Variants in GALNT13 observed in about 807,000 individuals in gnomAD.
GALNT13 encodes the protein polypeptide N-acetylgalactosaminyltransferase 13.
A neutral mutation model predicts 64.2 loss-of-function variants in GALNT13; 28 were observed. The ratio of observed to expected loss-of-function variants is 0.44; its 90% CI spans 0.32 to 0.60. GALNT13 has a LOEUF of 0.60. Ranked by LOEUF, GALNT13 falls within the 20% of genes least tolerant of loss-of-function variation. The pLI, the probability that GALNT13 is intolerant of heterozygous loss-of-function variation, is 0.05. For synonymous variants in GALNT13, 214 were observed against 224.6 expected (o/e 0.95, Z 0.42); for missense variants, 577 against 669.8 (o/e 0.86, Z 1.53).
chr2:153,403,690 T>A, the GALNT13 span, among the ~76,000 whole-genome samples: 5 of 152,310 alleles, frequency 3.3e-5, no homozygotes, highest in East Asian at 9.7e-4. Flanking sequence ...GACCTGATTT[T>A]CCAGGTGCTG....
intron 3 of GALNT13, among the ~76,000 whole-genome samples, chr2:154,113,620 T>C (rs1199127234): frequency 6.6e-6 from 1 of 152,194 alleles, no homozygotes; most frequent in Admixed American, 6.5e-5. Context: ...TTATTTCCCA[T>C]CCTCTGGCAC....
At chr2:154,152,881 C>T (rs1684138212) in intron 4 of GALNT13, among the ~76,000 whole-genome samples, 1 of 152,208 alleles carries the variant, frequency 6.6e-6, no homozygotes, top group Admixed American at 6.5e-5. Context: ...TTTGAATTTC[C>T]TCCTGTAGGT....
At chr2:153,878,945 A>G (rs534648781) in intron 1 of GALNT13, among the ~76,000 whole-genome samples, 23 of 152,266 alleles carry the variant, frequency 1.5e-4, no homozygotes, top group African/African-American at 5.1e-4. Context: ...GCAGGTTGTA[A>G]ATCCAAATTA....
chr2:153,719,750 G>A, the GALNT13 span, among the ~76,000 whole-genome samples: 4 of 150,834 alleles, frequency 2.7e-5, no homozygotes, highest in African/African-American at 9.7e-5. Context: ...GCGCTTTTCA[G>A]ACCGGCTTAA....
At chr2:153,551,081 G>A in the GALNT13 span, among the ~76,000 whole-genome samples, 2 of 152,270 alleles carry the variant, frequency 1.3e-5, no homozygotes, top group East Asian at 3.9e-4. Context: ...AACACAGTGG[G>A]GGTCTCTGGA....
chr2:153,131,786 A>G, the GALNT13 span, among the ~76,000 whole-genome samples: 1 of 151,962 alleles, frequency 6.6e-6, no homozygotes, highest in Non-Finnish European at 1.5e-5. Flanking sequence ...AGTATATGTA[A>G]GTTTTCAAGC....
chr2:153,512,997 A>G, the GALNT13 span, among the ~76,000 whole-genome samples: 2 of 152,200 alleles, frequency 1.3e-5, no homozygotes, highest in African/African-American at 4.8e-5. Flanking sequence ...AAAAATTCTA[A>G]AATATTCTGA....
the GALNT13 span, among the ~76,000 whole-genome samples, chr2:153,192,591 G>T: frequency 6.6e-6 from 1 of 152,042 alleles, no homozygotes; most frequent in Non-Finnish European, 1.5e-5. Flanking sequence ...GCTGAGAGTG[G>T]TGTGTTGAAG....
At chr2:153,111,095 T>A in the GALNT13 span, among the ~76,000 whole-genome samples, 1 of 152,088 alleles carries the variant, frequency 6.6e-6, no homozygotes. Context: ...GCACAAACTA[T>A]TTACTTGTCC....
At chr2:153,389,786 C>T in the GALNT13 span, among the ~76,000 whole-genome samples, 1 of 152,112 alleles carries the variant, frequency 6.6e-6, no homozygotes, top group South Asian at 2.1e-4. Flanking sequence ...AATACCTGGG[C>T]TTGTGTGATC....
chr2:153,429,625 T>C, the GALNT13 span, among the ~76,000 whole-genome samples: 1 of 152,124 alleles, frequency 6.6e-6, no homozygotes, highest in Non-Finnish European at 1.5e-5. Flanking sequence ...GCAGCATTAA[T>C]TAAAAATTCC....
At chr2:154,198,571 A>G (rs992423033) in intron 4 of GALNT13, among the ~76,000 whole-genome samples, 2 of 151,980 alleles carry the variant, frequency 1.3e-5, no homozygotes, top group African/African-American at 4.8e-5. Context: ...GGCACTGAAA[A>G]TGATTGTAAC....
At chr2:154,009,169 C>CTTT (rs146389666) in intron 3 of GALNT13, among the ~76,000 whole-genome samples, 5 of 143,696 alleles carry the variant, frequency 3.5e-5, no homozygotes, top group African/African-American at 7.7e-5. Flanking sequence ...TCCATTGCTT[C>CTTT]TTTTTTTTTC....
chr2:153,078,906 A>G, the GALNT13 span, among the ~76,000 whole-genome samples: 2 of 152,164 alleles, frequency 1.3e-5, no homozygotes, highest in Non-Finnish European at 2.9e-5. Flanking sequence ...GAATCTTAGA[A>G]TAAACTTACT....
chr2:153,322,577 T>A, the GALNT13 span, among the ~76,000 whole-genome samples: 1,415 of 152,252 alleles, frequency 9.3e-3, 26 homozygotes, highest in East Asian at 0.085. Context: ...TAGGTATACA[T>A]GTGCTATGGT....
the GALNT13 span, among the ~76,000 whole-genome samples, chr2:153,143,703 C>A: frequency 2.0e-5 from 3 of 151,992 alleles, no homozygotes; most frequent in Non-Finnish European, 4.4e-5. Context: ...TAGTTGAAGT[C>A]TCTTGCACAA....
At chr2:153,401,896 G>A in the GALNT13 span, among the ~76,000 whole-genome samples, 1 of 151,962 alleles carries the variant, frequency 6.6e-6, no homozygotes, top group Non-Finnish European at 1.5e-5. Context: ...GCCAGTCTGT[G>A]TCTTTTAATT....
chr2:154,341,130 G>A (rs934018744), intron 9 of GALNT13, among the ~76,000 whole-genome samples: 1 of 152,026 alleles, frequency 6.6e-6, no homozygotes, highest in Non-Finnish European at 1.5e-5. Context: ...TTTAAAGTCT[G>A]CACTAGCTTT....
chr2:154,187,623 C>T (rs1323066927), intron 4 of GALNT13, among the ~76,000 whole-genome samples: 1 of 152,030 alleles, frequency 6.6e-6, no homozygotes, highest in Non-Finnish European at 1.5e-5. Context: ...TATTACACTA[C>T]ATGACTCATT....
Sources: gnomAD v4.1 joint callset for allele counts (sites outside exome capture counted in the v4.1 genomes callset) on GRCh38, gnomAD v4.1.1 for gene constraint, MANE v1.5 for transcripts, NCBI Gene and HGNC (gene_info 2026-07-23, HGNC 2026-07-21) for gene names.